The following NRXN3 variants were observed in gnomAD, a reference collection of about 807,000 sequenced individuals.
The protein encoded by NRXN3 is neurexin 3, also known as neurexin III.
NRXN3 carries 32 observed loss-of-function variants against 137.6 expected under a neutral mutation model. That is an observed-to-expected ratio of 0.23 (90% confidence interval 0.18 to 0.31). The LOEUF (loss-of-function observed/expected upper bound fraction) is 0.31. Ranked by LOEUF, NRXN3 falls within the 10% of genes least tolerant of loss-of-function variation. NRXN3 has a pLI of 1.00. For synonymous variants in NRXN3, 798 were observed against 784.5 expected (o/e 1.02, Z -0.29); for missense variants, 1,574 against 2,062.5 (o/e 0.76, Z 4.59).
At chr14:79,670,054 AT>A (rs1218502338) in intron 17 of NRXN3, among the ~76,000 whole-genome samples, 17 of 151,956 alleles carry the variant, frequency 1.1e-4, no homozygotes. Context: ...AGATTCTGAA[AT>A]TTTTGTTTTA....
intron 15 of NRXN3, among the ~76,000 whole-genome samples, chr14:79,177,323 C>T (rs974231095): frequency 4.6e-5 from 7 of 152,220 alleles, no homozygotes; most frequent in Admixed American, 1.3e-4. Flanking sequence ...CAGACCCACC[C>T]GCTCACTCCC....
chr14:79,748,604 C>T (rs953568222), intron 19 of NRXN3, among the ~76,000 whole-genome samples: 2 of 152,078 alleles, frequency 1.3e-5, no homozygotes, highest in Non-Finnish European at 2.9e-5. Context: ...CATTTGAAGC[C>T]ATATATTCAC....
intron 15 of NRXN3, among the ~76,000 whole-genome samples, chr14:79,080,378 A>C (rs564430450): frequency 1.3e-5 from 2 of 152,186 alleles, no homozygotes; most frequent in African/African-American, 4.8e-5. Context: ...TAAATAAACT[A>C]TTTTGTTTGA....
intron 20 of NRXN3, among the ~76,000 whole-genome samples, chr14:79,842,266 G>T (rs889655850): frequency 6.6e-6 from 1 of 152,192 alleles, no homozygotes. Flanking sequence ...ACTGTGCAGA[G>T]AATCATGAGG....
At chr14:79,720,140 C>T (rs2098839238) in intron 19 of NRXN3, among the ~76,000 whole-genome samples, 1 of 152,026 alleles carries the variant, frequency 6.6e-6, no homozygotes, top group South Asian at 2.1e-4. Context: ...AGGGAGGCCT[C>T]ACAATCATGG....
At chr14:79,380,175 ATATT>A (rs1440963114) in intron 15 of NRXN3, among the ~76,000 whole-genome samples, 43 of 127,854 alleles carry the variant, frequency 3.4e-4, no homozygotes, top group East Asian at 1.3e-3. Context: ...TTTGGTAGAT[ATATT>A]TATTTATTTA....
chr14:79,746,752 G>T (rs1438910822), intron 19 of NRXN3, among the ~76,000 whole-genome samples: 1 of 152,018 alleles, frequency 6.6e-6, no homozygotes, highest in Admixed American at 6.6e-5. Context: ...ATCTTCTACT[G>T]CTCTCTTACT....
intron 4 of NRXN3, among the ~76,000 whole-genome samples, chr14:78,532,386 TG>T (rs2096479533): frequency 1.5e-5 from 2 of 131,070 alleles, no homozygotes; most frequent in African/African-American, 6.8e-5. Flanking sequence ...TGTGTGTGTG[TG>T]TGTGTGTGTG....
intron 15 of NRXN3, among the ~76,000 whole-genome samples, chr14:79,272,808 C>T (rs758678034): frequency 3.9e-5 from 6 of 152,108 alleles, no homozygotes; most frequent in Admixed American, 2.0e-4. Context: ...CCTTTTTCTG[C>T]AGAAGATAGG....
chr14:78,685,124 C>T (rs927632841), intron 6 of NRXN3, among the ~76,000 whole-genome samples: 2 of 152,124 alleles, frequency 1.3e-5, no homozygotes, highest in Non-Finnish European at 2.9e-5. Context: ...AGAGGAGGAG[C>T]CATTAAAGTG....
intron 4 of NRXN3, among the ~76,000 whole-genome samples, chr14:78,340,628 G>C (rs773529812): frequency 6.6e-6 from 1 of 152,128 alleles, no homozygotes; most frequent in Non-Finnish European, 1.5e-5. Context: ...TCTTCTTGCG[G>C]CTCCTCAAAC....
intron 4 of NRXN3, among the ~76,000 whole-genome samples, chr14:78,531,941 CA>C (rs1356233005): frequency 6.6e-6 from 1 of 152,038 alleles, no homozygotes; most frequent in Non-Finnish European, 1.5e-5. Flanking sequence ...ATGACAGCTC[CA>C]AAATATCACC....
intron 4 of NRXN3, among the ~76,000 whole-genome samples, chr14:78,389,771 C>G (rs1475660547): frequency 1.1e-4 from 17 of 152,058 alleles, no homozygotes; most frequent in South Asian, 2.1e-4. Context: ...TATTGAGACT[C>G]TTTCCTTTTA....
At chr14:78,863,971 A>G (rs1021562942) in intron 10 of NRXN3, among the ~76,000 whole-genome samples, 4 of 152,192 alleles carry the variant, frequency 2.6e-5, no homozygotes, top group African/African-American at 9.6e-5. Flanking sequence ...GATGAAAAAT[A>G]GTAAAAGTAT....
chr14:79,008,279 A>T (rs1294651881), intron 15 of NRXN3, among the ~76,000 whole-genome samples: 2 of 152,208 alleles, frequency 1.3e-5, no homozygotes, highest in East Asian at 3.9e-4. Context: ...GAAAAATTTC[A>T]AGCAAACATA....
chr14:79,297,095 TC>T (rs1443582067), intron 15 of NRXN3, among the ~76,000 whole-genome samples: 1 of 152,200 alleles, frequency 6.6e-6, no homozygotes, highest in Non-Finnish European at 1.5e-5. Context: ...TAAGAACTCT[TC>T]TTTAGTGTAG....
At chr14:79,632,571 T>A (rs2153940666) in intron 16 of NRXN3, among the ~76,000 whole-genome samples, 1 of 152,320 alleles carries the variant, frequency 6.6e-6, no homozygotes, top group South Asian at 2.1e-4. Context: ...GAGCAATCAT[T>A]GACAGTCTCA....
At chr14:79,327,581 G>GTT (rs2091081367) in intron 15 of NRXN3, among the ~76,000 whole-genome samples, 1 of 152,030 alleles carries the variant, frequency 6.6e-6, no homozygotes, top group Non-Finnish European at 1.5e-5. Context: ...TCCTCCTCTT[G>GTT]TGCTGTTCTT....
At chr14:79,441,348 C>T (rs2095941966) in intron 15 of NRXN3, among the ~76,000 whole-genome samples, 1 of 147,000 alleles carries the variant, frequency 6.8e-6, no homozygotes, top group South Asian at 2.3e-4. Flanking sequence ...AAAGAATATC[C>T]CTGGACAAAC....
Sources: allele counts gnomAD v4.1 joint callset (sites outside exome capture counted in the v4.1 genomes callset), GRCh38; gene constraint gnomAD v4.1.1; transcripts MANE v1.5; gene names NCBI Gene and HGNC (gene_info 2026-07-23, HGNC 2026-07-21).